The following ALG14 variants were observed in gnomAD, a reference collection of about 807,000 sequenced individuals.
The protein encoded by ALG14 is ALG14 UDP-N-acetylglucosaminyltransferase subunit.
ALG14 carries 17 observed loss-of-function variants against 22.8 expected under a neutral mutation model. That is an observed-to-expected ratio of 0.75 (90% confidence interval 0.51 to 1.12). ALG14 has a LOEUF of 1.12. ALG14 is among the 50% of genes most tolerant of loss of function. ALG14 has a pLI of 0.00. For missense variants in ALG14, 288 were observed against 271.8 expected, an observed-to-expected ratio of 1.06 and a Z score of -0.42; for synonymous variants, 89 against 103.7, an observed-to-expected ratio of 0.86 and a Z score of 0.86.
intron 3 of ALG14, among the ~76,000 whole-genome samples, chr1:95,008,996 A>AT (rs995629571): frequency 1.3e-5 from 2 of 152,098 alleles, no homozygotes; most frequent in African/African-American, 2.4e-5. Context: ...TCAGAATTGC[A>AT]TTTTTTATGG....
At chr1:94,990,556 T>C (rs1183940478) in intron 3 of ALG14, among the ~76,000 whole-genome samples, 1 of 152,180 alleles carries the variant, frequency 6.6e-6, no homozygotes, top group Non-Finnish European at 1.5e-5. Context: ...CATTTTGGGG[T>C]CTACTTTTCC....
chr1:95,048,696 TCTTTA>T (rs1381528544), intron 2 of ALG14, among the ~76,000 whole-genome samples: 5 of 152,218 alleles, frequency 3.3e-5, no homozygotes, highest in African/African-American at 4.8e-5. Context: ...ACTTTACTAC[TCTTTA>T]CTTTAGAACT....
At chr1:94,991,970 T>G (rs1261487932) in intron 3 of ALG14, among the ~76,000 whole-genome samples, 1 of 152,080 alleles carries the variant, frequency 6.6e-6, no homozygotes, top group Non-Finnish European at 1.5e-5. Flanking sequence ...CCACATCTTG[T>G]CCCACTGAAA....
chr1:95,000,770 G>A (rs1466058950), intron 3 of ALG14, among the ~76,000 whole-genome samples: 1 of 112,182 alleles, frequency 8.9e-6, no homozygotes, highest in Non-Finnish European at 1.7e-5. Flanking sequence ...GGACCAATAT[G>A]CCACACTAAA....
chr1:95,060,631 G>A (rs997265273), intron 2 of ALG14, among the ~76,000 whole-genome samples: 1 of 151,656 alleles, frequency 6.6e-6, no homozygotes, highest in African/African-American at 2.4e-5. Flanking sequence ...CAGGAGAATC[G>A]CTTGAACCTG....
At chr1:95,006,685 A>G (rs1398906767) in intron 3 of ALG14, among the ~76,000 whole-genome samples, 2 of 152,172 alleles carry the variant, frequency 1.3e-5, no homozygotes, top group Non-Finnish European at 2.9e-5. Context: ...TTTGTTATCA[A>G]TTTCTTTTCC....
At chr1:94,984,939 T>TTTTG (rs141270446) in intron 3 of ALG14, among the ~76,000 whole-genome samples, 3,378 of 152,286 alleles carry the variant, frequency 0.022, 126 homozygotes, top group African/African-American at 0.078. Flanking sequence ...AAGTTCTCTT[T>TTTTG]TTTTTCTTTT....
intron 2 of ALG14, among the ~76,000 whole-genome samples, chr1:95,058,510 G>A (rs111945444): frequency 1.5e-4 from 22 of 150,616 alleles, no homozygotes; most frequent in African/African-American, 4.9e-4. Context: ...CCGACTACTT[G>A]GGAGGCTGAG....
intron 3 of ALG14, among the ~76,000 whole-genome samples, chr1:95,002,428 G>A (rs946927155): frequency 1.3e-5 from 2 of 152,082 alleles, no homozygotes; most frequent in African/African-American, 4.8e-5. Context: ...GAGAAGGCAG[G>A]GGAAGGAGGA....
intron 3 of ALG14, among the ~76,000 whole-genome samples, chr1:95,018,948 T>C (rs892022160): frequency 1.3e-5 from 2 of 152,342 alleles, no homozygotes; most frequent in Non-Finnish European, 2.9e-5. Context: ...ATCTGGAACT[T>C]TAAGATGTAG....
At chr1:95,064,276 TTC>T (rs1675272953) in intron 2 of ALG14, among the ~76,000 whole-genome samples, 1 of 152,192 alleles carries the variant, frequency 6.6e-6, no homozygotes, top group Non-Finnish European at 1.5e-5. Context: ...CTTCATTTCT[TTC>T]TCTTTCCTGA....
intron 3 of ALG14, among the ~76,000 whole-genome samples, chr1:95,019,509 G>A (rs1673595476): frequency 6.6e-6 from 1 of 152,118 alleles, no homozygotes; most frequent in South Asian, 2.1e-4. Context: ...TTGATTGTAA[G>A]GTCCTTTTGA....
rs116468380 is a variant in ALG14 at position 95,040,508 on chromosome 1, G to A, written c.289-13248C>T. Among the ~76,000 whole-genome samples, 474 of 152,280 alleles carry A rather than the reference G, an allele frequency of 3.1e-3. 3 individuals carry two copies. Among genetic ancestry groups the A allele is most frequent in the African/African-American group, 0.011 (448 of 41,562 alleles). On this transcript the variant is annotated intron_variant, in intron 2 of 3. Transcript: ENST00000370205. Reference sequence around the variant, plus strand: ...TCTAGTCACAGCCTGGCCACATGCAGAGCTTAGAATTATGCTGTCCGTGGT... The same window carrying A: ...TCTAGTCACAGCCTGGCCACATGCAAAGCTTAGAATTATGCTGTCCGTGGT...
chr1:95,034,200 G>C (rs929913493), intron 2 of ALG14, among the ~76,000 whole-genome samples: 1 of 152,182 alleles, frequency 6.6e-6, no homozygotes, highest in Admixed American at 6.5e-5. Flanking sequence ...ACTCAGAGGG[G>C]AGACAGTTCT....
intron 3 of ALG14, among the ~76,000 whole-genome samples, chr1:94,985,850 G>A (rs1013790548): frequency 5.3e-5 from 8 of 151,432 alleles, no homozygotes; most frequent in African/African-American, 1.9e-4. Context: ...TACTACAAAA[G>A]TCCCTGGTAC....
intron 3 of ALG14, among the ~76,000 whole-genome samples, chr1:95,004,085 C>T (rs766534096): frequency 3.6e-4 from 55 of 152,052 alleles, no homozygotes; most frequent in Non-Finnish European, 6.5e-4. Context: ...GAGGTGGCCA[C>T]GATTATCCTC....
At chr1:95,000,873 T>C (rs1310073825) in intron 3 of ALG14, among the ~76,000 whole-genome samples, 1 of 147,026 alleles carries the variant, frequency 6.8e-6, no homozygotes, top group African/African-American at 2.5e-5. Context: ...CAAAGACACA[T>C]ACCTACCGAA....
intron 3 of ALG14, among the ~76,000 whole-genome samples, chr1:95,012,951 G>A (rs967323404): frequency 2.6e-5 from 4 of 151,946 alleles, no homozygotes; most frequent in African/African-American, 9.7e-5. Flanking sequence ...TAGCCAACAA[G>A]GTGAAACCCC....
intron 2 of ALG14, among the ~76,000 whole-genome samples, chr1:95,057,581 C>T (rs185827221): frequency 1.7e-4 from 25 of 150,372 alleles, no homozygotes; most frequent in Non-Finnish European, 2.5e-4. Context: ...CATGCACACG[C>T]GCACACACAC....
Sources: allele counts gnomAD v4.1 joint callset (sites outside exome capture counted in the v4.1 genomes callset), GRCh38; gene constraint gnomAD v4.1.1; transcripts MANE v1.5; gene names NCBI Gene and HGNC (gene_info 2026-07-23, HGNC 2026-07-21).